PACRG: variants seen among roughly 807,000 people sequenced by gnomAD.
PACRG encodes parkin coregulated, also known as parkin coregulated gene protein.
A neutral mutation model predicts 29.7 loss-of-function variants in PACRG; 29 were observed. The observed-to-expected ratio is 0.98, with a 90% CI of 0.73 to 1.33. The LOEUF is 1.33. PACRG is among the 40% of genes most tolerant of loss of function. PACRG has a pLI of 0.00. For missense variants in PACRG, 279 were observed against 316.2 expected (o/e 0.88, Z 0.89); for synonymous variants, 116 against 118.7 (o/e 0.98, Z 0.15).
intron 2 of PACRG, among the ~76,000 whole-genome samples, chr6:162,955,190 C>T (rs977094236): frequency 1.3e-5 from 2 of 152,140 alleles, no homozygotes; most frequent in East Asian, 1.9e-4. Flanking sequence ...AAGGGGAGAG[C>T]GGGCTGACCA....
chr6:163,047,109 T>G (rs932114138), intron 2 of PACRG, among the ~76,000 whole-genome samples: 1 of 152,238 alleles, frequency 6.6e-6, no homozygotes, highest in Non-Finnish European at 1.5e-5. Context: ...AATAGGGCCA[T>G]GTTTTACAAT....
intron 2 of PACRG, among the ~76,000 whole-genome samples, chr6:162,864,909 T>C (rs1457797311): frequency 6.6e-6 from 1 of 152,226 alleles, no homozygotes; most frequent in Non-Finnish European, 1.5e-5. Flanking sequence ...TGTGCTATTA[T>C]ATTTTGTTTC....
At chr6:163,110,695 A>G (rs1815666202) in intron 4 of PACRG, among the ~76,000 whole-genome samples, 1 of 152,216 alleles carries the variant, frequency 6.6e-6, no homozygotes, top group South Asian at 2.1e-4. Flanking sequence ...ACCTTCCTCT[A>G]GCAGCCCCTG....
intron 4 of PACRG, among the ~76,000 whole-genome samples, chr6:163,257,006 G>A (rs1216711944): frequency 1.3e-5 from 2 of 151,904 alleles, no homozygotes; most frequent in Admixed American, 6.6e-5. Flanking sequence ...AATCTCTGCC[G>A]CCATCTTCAC....
intron 2 of PACRG, among the ~76,000 whole-genome samples, chr6:163,025,113 A>T (rs1324832006): frequency 6.6e-6 from 1 of 152,172 alleles, no homozygotes; most frequent in Admixed American, 6.5e-5. Context: ...TCTATGACAA[A>T]CCCATAGCCC....
intron 2 of PACRG, among the ~76,000 whole-genome samples, chr6:162,834,767 T>C (rs1193911166): frequency 6.6e-6 from 1 of 151,988 alleles, no homozygotes; most frequent in Non-Finnish European, 1.5e-5. Flanking sequence ...CATTTGTATG[T>C]TACTTTGATG....
chr6:163,254,081 C>G (rs558347282), intron 4 of PACRG, among the ~76,000 whole-genome samples: 2 of 152,350 alleles, frequency 1.3e-5, no homozygotes, highest in East Asian at 3.9e-4. Flanking sequence ...AGGGCCAGCC[C>G]TGCCTCTGCA....
At chr6:162,896,104 T>C (rs148516579) in intron 2 of PACRG, among the ~76,000 whole-genome samples, 1 of 152,338 alleles carries the variant, frequency 6.6e-6, no homozygotes, top group African/African-American at 2.4e-5. Context: ...GGATCACTGA[T>C]TGCCACCACA....
chr6:163,004,128 C>A (rs539259377), intron 2 of PACRG, among the ~76,000 whole-genome samples: 6 of 151,840 alleles, frequency 4.0e-5, no homozygotes, highest in African/African-American at 1.4e-4. Flanking sequence ...CTTTCCCAAA[C>A]AAACTCATGA....
intron 1 of PACRG, among the ~76,000 whole-genome samples, chr6:162,744,479 C>G (rs1780834876): frequency 1.3e-5 from 2 of 152,044 alleles, no homozygotes; most frequent in Non-Finnish European, 1.5e-5. Context: ...ACTGTAATCC[C>G]AGCTTCTTGG....
intron 4 of PACRG, among the ~76,000 whole-genome samples, chr6:163,108,694 T>G (rs1815539085): frequency 6.6e-6 from 1 of 152,162 alleles, no homozygotes; most frequent in South Asian, 2.1e-4. Flanking sequence ...TGGCTGAACC[T>G]CTTTTCCTTA....
intron 1 of PACRG, among the ~76,000 whole-genome samples, chr6:162,797,141 G>T (rs981186375): frequency 6.6e-6 from 1 of 152,136 alleles, no homozygotes; most frequent in African/African-American, 2.4e-5. Flanking sequence ...ACCAGGTGTG[G>T]CACATGCCTG....
chr6:163,112,105 G>A (rs1815746803), intron 4 of PACRG: 2 of 909,024 alleles, frequency 2.2e-6, no homozygotes, highest in Admixed American at 6.2e-5. Context: ...TGGGAAGATG[G>A]TAGAGTAAAA....
intron 4 of PACRG, among the ~76,000 whole-genome samples, chr6:163,108,299 G>C (rs752189807): frequency 6.6e-6 from 1 of 151,068 alleles, no homozygotes; most frequent in Non-Finnish European, 1.5e-5. Flanking sequence ...CTTGCCCTTC[G>C]CCTTCTACCA....
intron 4 of PACRG, among the ~76,000 whole-genome samples, chr6:163,250,074 G>A (rs1782843539): frequency 6.6e-6 from 1 of 152,202 alleles, no homozygotes; most frequent in Non-Finnish European, 1.5e-5. Flanking sequence ...TGGTCATAAG[G>A]TGATAGACAC....
intron 4 of PACRG, among the ~76,000 whole-genome samples, chr6:163,092,020 T>C (rs1814152600): frequency 6.6e-6 from 1 of 152,236 alleles, no homozygotes; most frequent in Non-Finnish European, 1.5e-5. Context: ...TTCTCTTTTA[T>C]GTAAATCAAT....
chr6:162,746,975 G>T (rs903132647), intron 1 of PACRG, among the ~76,000 whole-genome samples: 5 of 152,070 alleles, frequency 3.3e-5, no homozygotes, highest in Non-Finnish European at 7.4e-5. Context: ...TGACAAGAAT[G>T]ATGTTTTAGT....
intron 2 of PACRG, among the ~76,000 whole-genome samples, chr6:162,959,898 A>G (rs1800467471): frequency 6.6e-6 from 1 of 152,350 alleles, no homozygotes; most frequent in East Asian, 1.9e-4. Flanking sequence ...AGGAACTTAA[A>G]CAATTGAATG....
At chr6:163,243,796 T>C (rs1280755411) in intron 4 of PACRG, among the ~76,000 whole-genome samples, 1 of 152,230 alleles carries the variant, frequency 6.6e-6, no homozygotes, top group Non-Finnish European at 1.5e-5. Context: ...AATTGTCTCC[T>C]TGTTTTAACC....
Sources: gnomAD v4.1 joint callset for allele counts (sites outside exome capture counted in the v4.1 genomes callset) on GRCh38, gnomAD v4.1.1 for gene constraint, MANE v1.5 for transcripts, NCBI Gene and HGNC (gene_info 2026-07-23, HGNC 2026-07-21) for gene names.